Variants in UBE2K observed in about 807,000 individuals in gnomAD.
UBE2K encodes ubiquitin conjugating enzyme E2 K.
Under a neutral mutation model 30.0 loss-of-function variants are expected in UBE2K, and 6 were observed. The ratio of observed to expected loss-of-function variants is 0.20; its 90% CI spans 0.11 to 0.39. The LOEUF is 0.39. Among genes scored for constraint, UBE2K ranks in the 10% least tolerant of loss-of-function variants. The probability of loss-of-function intolerance (pLI) is 1.00; values close to 1 mark genes in which losing one functional copy is unlikely to be tolerated. For synonymous variants in UBE2K, 86 were observed against 83.7 expected, an observed-to-expected ratio of 1.03 and a Z score of -0.15; for missense variants, 61 against 241.6, an observed-to-expected ratio of 0.25 and a Z score of 4.96.
intron 4 of UBE2K, among the ~76,000 whole-genome samples, chr4:39,767,888 T>C (rs560417119): frequency 6.6e-6 from 1 of 152,310 alleles, no homozygotes; most frequent in South Asian, 2.1e-4. Context: ...AGATTTTGTT[T>C]CAGGTGACAC....
At chr4:39,762,880 C>T (rs6531741) in intron 4 of UBE2K, among the ~76,000 whole-genome samples, 77,607 of 150,618 alleles carry the variant, frequency 0.52, 20,631 homozygotes, top group East Asian at 0.64. Context: ...GATCTGCCCT[C>T]GGCCTCCTAA....
chr4:39,725,402 A>AC (rs1458027904), intron 1 of UBE2K, among the ~76,000 whole-genome samples: 1 of 144,254 alleles, frequency 6.9e-6, no homozygotes, highest in Non-Finnish European at 1.5e-5. Context: ...AAAAAAAAAA[A>AC]AAAACACCTC....
rs567030060 is a variant in UBE2K, at chr4:39,730,220, T to TGTC, written c.64-7199_64-7197dup. Among the ~76,000 whole-genome samples, 8 of 152,328 alleles carry TGTC rather than the reference T, an allele frequency of 5.3e-5. No individual in the cohort carries two copies. The East Asian group carries it at 1.5e-3, about 29-fold the overall frequency. On this transcript the variant is annotated intron_variant, in intron 1 of 6. Coordinates refer to ENST00000261427, the MANE Select transcript of UBE2K (RefSeq NM_005339.5). ...TTTTTTAAGAGATGGAGTCTCACTC[T>TGTC]GTCACACAGGCTGGTGTGTAGTGGC...
intron 1 of UBE2K, among the ~76,000 whole-genome samples, chr4:39,720,179 G>A (rs1719342234): frequency 6.6e-6 from 1 of 152,238 alleles, no homozygotes; most frequent in African/African-American, 2.4e-5. Flanking sequence ...GGACTAGGAA[G>A]AGTTGAATAT....
At position 39,742,199 on chromosome 4, in the gene UBE2K, TAGGA is replaced by T. The variant is rs570892736; in HGVS notation, c.158-3547_158-3544del. On this transcript the variant is annotated intron_variant, in intron 2 of 6. Transcript: ENST00000261427. ...AGTTTAATCAGAAAAAAAAAATTCT[TAGGA>T]AGGAAAAAGAAAAGCCTATGTAGTG... Among the ~76,000 whole-genome samples the T allele has an allele frequency of 2.3e-4, 35 of 152,204 alleles. No individual in the cohort carries two copies. In the South Asian group the frequency reaches 5.8e-3, roughly 25 times the overall value.
chr4:39,698,996 G>A (rs187642494), intron 1 of UBE2K, among the ~76,000 whole-genome samples: 34 of 152,284 alleles, frequency 2.2e-4, no homozygotes, highest in African/African-American at 8.2e-4. Context: ...GGTGGCAGGG[G>A]TAAGGGAATT....
At chr4:39,733,066 A>C (rs914494912) in intron 1 of UBE2K, among the ~76,000 whole-genome samples, 21 of 151,134 alleles carry the variant, frequency 1.4e-4, no homozygotes, top group Non-Finnish European at 2.7e-4. Flanking sequence ...AAAAAAAAAA[A>C]AAAAAAAACA....
chr4:39,748,818 CA>C (rs201435510), intron 3 of UBE2K, among the ~76,000 whole-genome samples: 21 of 149,046 alleles, frequency 1.4e-4, no homozygotes, highest in Admixed American at 1.0e-3. Context: ...TTTTAAATAA[CA>C]AAAAAAAATA....
intron 4 of UBE2K, among the ~76,000 whole-genome samples, chr4:39,772,397 C>CAA (rs34937270): frequency 0.065 from 8,230 of 127,076 alleles, 301 homozygotes; most frequent in East Asian, 0.11. Flanking sequence ...CTGTCTCTAC[C>CAA]AAAAAAAAAA....
chr4:39,722,877 C>T (rs1016508678), intron 1 of UBE2K, among the ~76,000 whole-genome samples: 1 of 150,562 alleles, frequency 6.6e-6, no homozygotes, highest in African/African-American at 2.4e-5. Context: ...CTCACTGCAA[C>T]CTTCGCCTCC....
chr4:39,703,116 G>A (rs1003975535), intron 1 of UBE2K, among the ~76,000 whole-genome samples: 2 of 152,014 alleles, frequency 1.3e-5, no homozygotes, highest in African/African-American at 4.8e-5. Context: ...TCAGCCTCCC[G>A]AGTAGCTTGG....
Position 39,698,220 on chromosome 4 carries a change from C to A in UBE2K, c.-108C>A. The A allele has an allele frequency of 9.3e-7, 1 of 1,076,518 alleles. No individual in the cohort carries two copies. Among genetic ancestry groups the A allele is most frequent in the Non-Finnish European group, 1.4e-6 (1 of 713,952 alleles). 66.7% of individuals were successfully genotyped at this position (1,076,518 alleles called of 1,614,324 possible). Reference sequence around the variant, plus strand: ...GTGGTAGTGGCAGTGTTCGTGTGCTCAGGTCTGAATCGCCGAGGGAGGAGG... The same window carrying A: ...GTGGTAGTGGCAGTGTTCGTGTGCTAAGGTCTGAATCGCCGAGGGAGGAGG... On this transcript the variant is annotated 5_prime_UTR_variant, in exon 1 of 7. Transcript: ENST00000261427.
intron 1 of UBE2K, among the ~76,000 whole-genome samples, chr4:39,710,688 T>G (rs900621364): frequency 6.6e-6 from 1 of 152,092 alleles, no homozygotes; most frequent in Non-Finnish European, 1.5e-5. Flanking sequence ...AACTTGGTGG[T>G]GGAACAGAGG....
intron 3 of UBE2K, among the ~76,000 whole-genome samples, chr4:39,747,620 G>GT (rs1721046755): frequency 6.6e-6 from 1 of 151,892 alleles, no homozygotes; most frequent in South Asian, 2.1e-4. Flanking sequence ...TTGTTTGTTT[G>GT]TTTTTTGTTT....
chr4:39,776,180 T>G (rs189699355), intron 5 of UBE2K, among the ~76,000 whole-genome samples: 1 of 152,330 alleles, frequency 6.6e-6, no homozygotes, highest in East Asian at 1.9e-4. Context: ...CAAGGAACAT[T>G]CATATGGTTA....
intron 1 of UBE2K, among the ~76,000 whole-genome samples, chr4:39,700,519 C>A (rs904378042): frequency 6.6e-6 from 1 of 152,070 alleles, no homozygotes; most frequent in African/African-American, 2.4e-5. Context: ...CAATAAATAG[C>A]TTATTTTCAC....
chr4:39,718,407 G>C (rs1057284518), intron 1 of UBE2K, among the ~76,000 whole-genome samples: 3 of 152,206 alleles, frequency 2.0e-5, no homozygotes, highest in Admixed American at 1.3e-4. Flanking sequence ...TAGACATAAA[G>C]GTTCTCCAAG....
intron 4 of UBE2K, among the ~76,000 whole-genome samples, chr4:39,756,230 T>C (rs1721510208): frequency 6.6e-6 from 1 of 152,226 alleles, no homozygotes; most frequent in East Asian, 1.9e-4. Context: ...TTGTCTGATT[T>C]GCTCTGCACA....
intron 2 of UBE2K, among the ~76,000 whole-genome samples, chr4:39,743,324 C>T (rs187485988): frequency 3.2e-4 from 48 of 152,230 alleles, no homozygotes; most frequent in Non-Finnish European, 4.4e-5. Flanking sequence ...GAAGAATAGG[C>T]CAGGCGCAGT....
Sources: gnomAD v4.1 joint callset for allele counts (sites outside exome capture counted in the v4.1 genomes callset) on GRCh38, gnomAD v4.1.1 for gene constraint, MANE v1.5 for transcripts, NCBI Gene and HGNC (gene_info 2026-07-23, HGNC 2026-07-21) for gene names.